Variants in MTHFD1 observed in about 807,000 individuals in gnomAD.
The protein encoded by MTHFD1 is C-1-tetrahydrofolate synthase, cytoplasmic.
A neutral mutation model predicts 110.3 loss-of-function variants in MTHFD1; 44 were observed. That is an observed-to-expected ratio of 0.40 (90% CI 0.31 to 0.51). The LOEUF (loss-of-function observed/expected upper bound fraction) is 0.51. Ranked by LOEUF, MTHFD1 falls within the 20% of genes least tolerant of loss-of-function variation. MTHFD1 has a pLI of 0.60. For synonymous variants in MTHFD1, 402 were observed against 428.8 expected (o/e 0.94, Z 0.77); for missense variants, 909 against 1,173.1 (o/e 0.77, Z 3.29).
intron 4 of MTHFD1, among the ~76,000 whole-genome samples, chr14:64,414,771 C>T (rs1483079461): frequency 2.0e-5 from 3 of 151,524 alleles, no homozygotes; most frequent in Non-Finnish European, 4.4e-5. Context: ...CGGACTGCAA[C>T]CTCCACCTCC....
At chr14:64,416,972 C>T (rs1433922357) in intron 6 of MTHFD1, among the ~76,000 whole-genome samples, 1 of 151,248 alleles carries the variant, frequency 6.6e-6, no homozygotes, top group Non-Finnish European at 1.5e-5. Flanking sequence ...TTATCTTTTT[C>T]TGAAAAAAAA....
intron 4 of MTHFD1, among the ~76,000 whole-genome samples, chr14:64,413,294 G>A (rs186915857): frequency 6.6e-6 from 1 of 152,264 alleles, no homozygotes; most frequent in Non-Finnish European, 1.5e-5. Flanking sequence ...GGAGGTTGCA[G>A]TGAGCCAAGA....
intron 27 of MTHFD1, among the ~76,000 whole-genome samples, chr14:64,459,270 T>TCA (rs1200394596): frequency 1.3e-5 from 2 of 152,196 alleles, no homozygotes; most frequent in African/African-American, 2.4e-5. Context: ...AACTGAACCC[T>TCA]CATTTGGACA....
At chr14:64,457,510 C>A (rs2078494445) in intron 26 of MTHFD1, among the ~76,000 whole-genome samples, 1 of 150,488 alleles carries the variant, frequency 6.6e-6, no homozygotes, top group Non-Finnish European at 1.5e-5. Context: ...GGCTGGAGTG[C>A]AGTGGCAAGA....
At chr14:64,405,067 C>A (rs1275143350) in intron 2 of MTHFD1, among the ~76,000 whole-genome samples, 1 of 152,172 alleles carries the variant, frequency 6.6e-6, no homozygotes, top group Non-Finnish European at 1.5e-5. Context: ...GAAGGCCTGT[C>A]ACTCTCTGCC....
At position 64,453,816 on chromosome 14, in the gene MTHFD1, AT is replaced by A; in HGVS notation, c.2522del (p.Leu841TyrfsTer63). On this transcript the variant is annotated frameshift_variant, in exon 25 of 28. Transcript: ENST00000652337. LOFTEE classifies it high-confidence loss of function. ...QKIYGADDIE[L>X]LPEAQHKAEV... ...AGATCTATGGAGCAGATGACATTGAATTACTTCCCGAAGCTCAACACAAAGC... is the reference window on the plus strand; with the variant it reads ...AGATCTATGGAGCAGATGACATTGAATACTTCCCGAAGCTCAACACAAAGC... 6.2e-7 allele frequency: 1 copy of A among 1,613,268 alleles called. No homozygotes were observed. The highest frequency in any genetic ancestry group is 8.5e-7 in the Non-Finnish European group (1 of 1,179,268).
intron 24 of MTHFD1, among the ~76,000 whole-genome samples, chr14:64,452,518 G>A (rs1328223987): frequency 3.9e-5 from 6 of 152,170 alleles, no homozygotes; most frequent in Admixed American, 1.3e-4. Flanking sequence ...TGAAGGCTTT[G>A]CCCCGGAGGA....
intron 26 of MTHFD1, among the ~76,000 whole-genome samples, chr14:64,456,158 A>G (rs1360063392): frequency 2.0e-5 from 3 of 152,244 alleles, no homozygotes; most frequent in African/African-American, 4.8e-5. Flanking sequence ...ATCTGGAAGC[A>G]GTCAGGCCAG....
intron 4 of MTHFD1, among the ~76,000 whole-genome samples, chr14:64,413,646 G>A (rs2078003073): frequency 6.6e-6 from 1 of 152,138 alleles, no homozygotes; most frequent in African/African-American, 2.4e-5. Context: ...CACTTCCTTG[G>A]TTGTACTAGC....
At chr14:64,440,468 A>T in intron 18 of MTHFD1, 1 of 668,900 alleles carries the variant, frequency 1.5e-6, no homozygotes, top group Non-Finnish European at 2.7e-6. Flanking sequence ...GGTATGCTTT[A>T]GTAATAGATC....
chr14:64,444,035 A>G (rs748466817), intron 21 of MTHFD1, among the ~76,000 whole-genome samples: 38 of 151,984 alleles, frequency 2.5e-4, no homozygotes, highest in Admixed American at 4.6e-4. Flanking sequence ...GGGGCCCATG[A>G]AATGGACACC....
intron 23 of MTHFD1, chr14:64,449,053 C>T: frequency 3.1e-6 from 1 of 322,236 alleles, no homozygotes; most frequent in East Asian, 7.9e-5. Flanking sequence ...CCCACCTCGG[C>T]CTCCCAAAGT....
intron 8 of MTHFD1, chr14:64,424,210 T>C (rs1216646122): frequency 1.8e-5 from 3 of 163,322 alleles, no homozygotes; most frequent in East Asian, 3.5e-4. Flanking sequence ...TGATGCATCA[T>C]TGGGTTTTGT....
intron 18 of MTHFD1, chr14:64,440,727 C>G (rs1023516506): frequency 4.0e-6 from 1 of 251,718 alleles, no homozygotes; most frequent in Admixed American, 5.1e-5. Flanking sequence ...AATTTCTGCC[C>G]AGATACCAGA....
At chr14:64,420,041 G>A in intron 8 of MTHFD1, 116 bp downstream of exon 8, 2 of 798,008 alleles carry the variant, frequency 2.5e-6, no homozygotes, top group Non-Finnish European at 4.3e-6. Flanking sequence ...CTAAGGTTTA[G>A]GAGACTGACT....
intron 1 of MTHFD1, among the ~76,000 whole-genome samples, chr14:64,394,752 G>A (rs1956546): frequency 0.018 from 2,745 of 152,196 alleles, 70 homozygotes; most frequent in East Asian, 0.089. Flanking sequence ...TCCCTCCTTA[G>A]TAAGCAGCCT....
At chr14:64,452,035 C>G (rs2078381416) in intron 24 of MTHFD1, among the ~76,000 whole-genome samples, 1 of 152,214 alleles carries the variant, frequency 6.6e-6, no homozygotes, top group African/African-American at 2.4e-5. Flanking sequence ...TGTGGTCACA[C>G]CTGTAATCCC....
rs1263232672 is a variant in MTHFD1 at position 64,417,534 on chromosome 14, T to C, written c.479-354T>C. ...TACACCCTATTTGTTTTAACTTTTT[T>C]TCCCCATGTAATTTAATCTGATGTC... On this transcript the variant is annotated intron_variant, in intron 6 of 27. Transcript: ENST00000652337. The surrounding 1 kb of genome is among the most constrained non-coding windows in gnomAD (Gnocchi z 4.4). Among the ~76,000 whole-genome samples, 1 of 152,252 alleles carries C rather than the reference T, an allele frequency of 6.6e-6. No homozygotes were observed. Among genetic ancestry groups the C allele is most frequent in the African/African-American group, 2.4e-5 (1 of 41,466 alleles).
At position 64,449,598 on chromosome 14, in the gene MTHFD1, C is replaced by G. The variant is rs1200501550; in HGVS notation, c.2433C>G (p.Ser811Arg). Residue 811 changes from serine to arginine, a missense_variant, in exon 24 of 28, where the codon AGC (serine) becomes AGG (arginine). By Grantham distance (110) the Ser-to-Arg change is moderately radical. Transcript: ENST00000652337. Reference protein sequence around the residue: ...AVQRAAQAPSSFQLLYDLKLP... With the variant: ...AVQRAAQAPSRFQLLYDLKLP... The stretch of plus-strand genomic sequence containing the variant: ...AGAGAGCAGCACAAGCACCCAGCAG[C>G]TTCCAGCTCCTTTATGACCTCAAGG... The G allele has an allele frequency of 6.2e-7, 1 of 1,614,164 alleles. No individual in the cohort carries two copies. The highest frequency in any genetic ancestry group is 1.7e-5 in the Admixed American group (1 of 60,034).
Sources: allele counts gnomAD v4.1 joint callset (sites outside exome capture counted in the v4.1 genomes callset), GRCh38; gene constraint gnomAD v4.1.1; non-coding constraint Gnocchi (gnomAD v3.1); transcripts MANE v1.5; gene names NCBI Gene and HGNC (gene_info 2026-07-23, HGNC 2026-07-21).